Variants in UST observed in about 807,000 individuals in gnomAD.
The protein encoded by UST is uronyl 2-sulfotransferase.
Under a neutral mutation model 45.6 loss-of-function variants are expected in UST, and 21 were observed. The ratio of observed to expected loss-of-function variants is 0.46; its 90% CI spans 0.33 to 0.66. The LOEUF is 0.66. Among genes scored for constraint, UST ranks in the 30% least tolerant of loss-of-function variants. The pLI is 0.02. For missense variants in UST, 463 were observed against 512.4 expected (o/e 0.90, Z 0.93); for synonymous variants, 215 against 200.6 (o/e 1.07, Z -0.61).
intron 2 of UST, among the ~76,000 whole-genome samples, chr6:148,903,120 T>A (rs9322157): frequency 0.86 from 131,543 of 152,180 alleles, 58,165 homozygotes; most frequent in Non-Finnish European, 0.96. Context: ...TAATTTTTCA[T>A]TTATTTTCTT....
chr6:148,857,946 C>T (rs549018001), intron 1 of UST, among the ~76,000 whole-genome samples: 33 of 150,852 alleles, frequency 2.2e-4, no homozygotes, highest in Admixed American at 1.1e-3. Context: ...AACACTTGGG[C>T]GAAAATGAAA....
intron 5 of UST, among the ~76,000 whole-genome samples, chr6:148,997,742 T>C (rs1443285075): frequency 1.3e-5 from 2 of 152,238 alleles, no homozygotes; most frequent in Admixed American, 1.3e-4. Context: ...CAAAAGAGAA[T>C]AGTCCAGTGA....
intron 5 of UST, among the ~76,000 whole-genome samples, chr6:148,969,596 A>G (rs542689164): frequency 6.6e-6 from 1 of 152,184 alleles, no homozygotes; most frequent in African/African-American, 2.4e-5. Context: ...ACTCTCCAAA[A>G]CACATTTCAG....
intron 1 of UST, among the ~76,000 whole-genome samples, chr6:148,878,239 T>C (rs1778739243): frequency 2.4e-5 from 2 of 84,242 alleles, no homozygotes; most frequent in Admixed American, 2.8e-4. Flanking sequence ...CGTGTATGAG[T>C]GCGGAGATCG....
At position 148,902,259 on chromosome 6, in the gene UST, C is replaced by T. The variant is rs150847290; in HGVS notation, c.291+15230C>T. Among the ~76,000 whole-genome samples the T allele has an allele frequency of 2.6e-5, 4 of 152,196 alleles. No individual in the cohort carries two copies. In the East Asian group the frequency reaches 5.8e-4, roughly 22 times the overall value. ...TATTTTCCAGAAAGATAGGATTTCA[C>T]TCTGTAACCCAGGCTGGAGTACAGT... On this transcript the variant is annotated intron_variant, in intron 2 of 7. Coordinates refer to ENST00000367463, the MANE Select transcript of UST (RefSeq NM_005715.3).
chr6:149,003,891 G>GC (rs1781599372), intron 5 of UST, among the ~76,000 whole-genome samples: 1 of 152,160 alleles, frequency 6.6e-6, no homozygotes, highest in East Asian at 1.9e-4. Flanking sequence ...TTTAATAGAC[G>GC]TGCAGGGCCT....
At chr6:148,776,347 C>G (rs1007173613) in intron 1 of UST, among the ~76,000 whole-genome samples, 1 of 152,138 alleles carries the variant, frequency 6.6e-6, no homozygotes, top group Non-Finnish European at 1.5e-5. Context: ...TGTGTTCAAT[C>G]CTCTTCTCAG....
intron 2 of UST, among the ~76,000 whole-genome samples, chr6:148,914,511 G>C (rs968020914): frequency 6.6e-6 from 1 of 151,992 alleles, no homozygotes; most frequent in Non-Finnish European, 1.5e-5. Context: ...TGTGTAGTTC[G>C]TAGTCTTTTC....
At chr6:148,930,693 G>C (rs1469514420) in intron 2 of UST, among the ~76,000 whole-genome samples, 2 of 152,168 alleles carry the variant, frequency 1.3e-5, no homozygotes, top group African/African-American at 4.8e-5. Context: ...CATGTGGCCA[G>C]TCTAGAGGGC....
intron 1 of UST, among the ~76,000 whole-genome samples, chr6:148,792,087 G>C (rs1776860025): frequency 6.6e-6 from 1 of 152,194 alleles, no homozygotes; most frequent in Non-Finnish European, 1.5e-5. Flanking sequence ...CGAGAGCCTA[G>C]GAGTCAGCAG....
chr6:148,939,927 A>G (rs1314797283), intron 2 of UST, among the ~76,000 whole-genome samples: 1 of 152,194 alleles, frequency 6.6e-6, no homozygotes, highest in Non-Finnish European at 1.5e-5. Flanking sequence ...AAATGAAAAG[A>G]CAACTTACAG....
chr6:149,022,908 T>C (rs1185264266), intron 7 of UST, among the ~76,000 whole-genome samples: 1 of 152,220 alleles, frequency 6.6e-6, no homozygotes, highest in Non-Finnish European at 1.5e-5. Flanking sequence ...TTCCTTTGTC[T>C]TTTCAACAAC....
In UST at chr6:148,747,444, A is replaced by G; in HGVS notation, c.14A>G (p.Gln5Arg). MKKK[Q>R]QHPGGGADPW... ...GCGGAGCAGGCGATGAAGAAGAAGC[A>G]GCAGCATCCCGGCGGCGGCGCGGAT... The change falls in exon 1 of 8, where the codon CAG becomes CGG. Residue 5 changes from glutamine (Q) to arginine (R), a missense_variant. Gln to Arg is a conservative substitution (Grantham distance 43). Around this residue, in one of 2 missense-constraint regions of UST, gnomAD observed 176 missense variants for 138.3 expected, o/e 1.27. Transcript: ENST00000367463. The G allele has an allele frequency of 7.0e-7, 1 of 1,422,814 alleles. No homozygotes were observed. The highest frequency in any genetic ancestry group is 1.5e-5 in the South Asian group (1 of 65,272). 88.1% of individuals were successfully genotyped at this position (1,422,814 alleles called of 1,614,324 possible).
At chr6:148,977,239 T>G (rs1043588624) in intron 5 of UST, among the ~76,000 whole-genome samples, 1 of 151,682 alleles carries the variant, frequency 6.6e-6, no homozygotes, top group African/African-American at 2.4e-5. Flanking sequence ...CACTATTCTA[T>G]ATATTTATAT....
intron 5 of UST, among the ~76,000 whole-genome samples, chr6:148,997,749 G>T (rs1781479684): frequency 6.6e-6 from 1 of 152,200 alleles, no homozygotes; most frequent in Admixed American, 6.5e-5. Flanking sequence ...GAATAGTCCA[G>T]TGAAGCTCCA....
intron 3 of UST, among the ~76,000 whole-genome samples, chr6:148,950,995 G>T (rs1780352773): frequency 6.6e-6 from 1 of 152,262 alleles, no homozygotes; most frequent in Non-Finnish European, 1.5e-5. Context: ...ATTTTAGCCA[G>T]AGGTGAAGAG....
At position 149,076,538 on chromosome 6, in the gene UST, T is replaced by G. The variant is rs188767906; in HGVS notation, c.*2422T>G. On this transcript the variant is annotated 3_prime_UTR_variant, in exon 8 of 8. Coordinates refer to ENST00000367463, the MANE Select transcript of UST (RefSeq NM_005715.3). ...TTACTTACAGGGCCTTAATGTTATT[T>G]TGTCCCAGCCAACACCCTCTAGGTC... The G allele has an allele frequency of 2.5e-4, 38 of 152,788 alleles. No homozygotes were observed. Among genetic ancestry groups the G allele is most frequent in the Admixed American group, 8.5e-4 (13 of 15,308 alleles). The allele number at this position is 152,788 out of a possible 1,614,324, so 9.5% of individuals were successfully genotyped here. A position where few individuals can be genotyped will look rare whatever the true frequency, so the allele number is the denominator to read the frequency against.
chr6:148,891,998 A>T (rs1582881023), intron 2 of UST, among the ~76,000 whole-genome samples: 1 of 152,344 alleles, frequency 6.6e-6, no homozygotes, highest in Non-Finnish European at 1.5e-5. Context: ...TTCATTTAGC[A>T]AAACAGGATG....
intron 4 of UST, among the ~76,000 whole-genome samples, chr6:148,954,212 G>T (rs1452316113): frequency 6.6e-6 from 1 of 152,106 alleles, no homozygotes; most frequent in Non-Finnish European, 1.5e-5. Flanking sequence ...TTTTTAAAAA[G>T]GAATCAGATT....
Sources: gnomAD v4.1 joint callset for allele counts (sites outside exome capture counted in the v4.1 genomes callset) on GRCh38, gnomAD v4.1.1 for gene constraint, gnomAD v4.1.1 regional missense constraint, MANE v1.5 for transcripts, NCBI Gene and HGNC (gene_info 2026-07-23, HGNC 2026-07-21) for gene names.